Variants in C1QTNF6 observed in about 807,000 individuals in gnomAD.
The protein encoded by C1QTNF6 is C1q and TNF related 6, also known as complement C1q tumor necrosis factor-related protein 6.
C1QTNF6 carries 17 observed loss-of-function variants against 20.7 expected under a neutral mutation model. The observed-to-expected ratio is 0.82, with a 90% CI of 0.56 to 1.23. C1QTNF6 has a LOEUF of 1.23. Among genes scored for constraint, C1QTNF6 ranks in the 50% most tolerant of loss-of-function variants. The pLI, the probability that C1QTNF6 is intolerant of heterozygous loss-of-function variation, is 0.00. For missense variants in C1QTNF6, 329 were observed against 389.7 expected (o/e 0.84, Z 1.31); for synonymous variants, 130 against 156.3 (o/e 0.83, Z 1.25).
chr22:37,195,240 A>G (rs767093667), intron 2 of C1QTNF6: 1 of 152,182 alleles, frequency 6.6e-6, no homozygotes, highest in Non-Finnish European at 1.5e-5. Flanking sequence ...AAGGACTCCA[A>G]CCTTCTTCAT....
intron 2 of C1QTNF6, among the ~76,000 whole-genome samples, chr22:37,194,439 C>A (rs1222475183): frequency 6.6e-6 from 1 of 152,182 alleles, no homozygotes; most frequent in East Asian, 1.9e-4. Context: ...CCAGTTTGCA[C>A]CAAGAGAGGC....
At chr22:37,183,295 A>G (rs1923967577) in intron 2 of C1QTNF6, among the ~76,000 whole-genome samples, 1 of 152,174 alleles carries the variant, frequency 6.6e-6, no homozygotes, top group East Asian at 1.9e-4. Flanking sequence ...TCTGGTCTAT[A>G]TTTTAAAGAG....
In C1QTNF6 at chr22:37,188,128, C is replaced by G. The variant is rs374121913; in HGVS notation, c.51+35G>C. 1.9e-6 allele frequency: 3 copies of G among 1,589,956 alleles called. No individual in the cohort carries two copies. The South Asian group carries it at 3.4e-5, about 18-fold the overall frequency. ...GGAGAGGAATTCCAGGCTCTGACCC[C>G]AGCCCCCAAGCTTGAGGAGCCTCTG... is the stretch of plus-strand genomic sequence containing the variant. On this transcript the variant is annotated intron_variant, in intron 1 of 2. Coordinates refer to ENST00000337843, the MANE Select transcript of C1QTNF6 (RefSeq NM_031910.4).
At chr22:37,187,017 A>G (rs1435627538) in intron 1 of C1QTNF6, among the ~76,000 whole-genome samples, 1 of 152,090 alleles carries the variant, frequency 6.6e-6, no homozygotes, top group East Asian at 1.9e-4. Context: ...GGAGTTCGAG[A>G]CCAGTCTGGG....
Position 37,182,611 on chromosome 22 carries a change from C to A in C1QTNF6, c.414G>T (p.Pro138=), listed in dbSNP as rs746083093. ...AGAAGGCGAAGAAGCGCTTCTGGCA[C>A]GGGGCGCCGGGGCTGCCCATCTCCC... ...DKGEMGSPGA[P]CQKRFFAFSV... is the part of the protein sequence containing the mutation. Residue 138 remains proline (P), a synonymous_variant, in exon 3 of 3, where the codon CCG becomes CCT. Coordinates refer to ENST00000337843, the MANE Select transcript of C1QTNF6 (RefSeq NM_031910.4). 4 of 1,613,612 alleles carry A rather than the reference C, an allele frequency of 2.5e-6. No individual in the cohort carries two copies. Among genetic ancestry groups the A allele is most frequent in the Non-Finnish European group, 3.4e-6 (4 of 1,180,032 alleles).
chr22:37,186,374 C>G (rs1238505593), intron 1 of C1QTNF6, among the ~76,000 whole-genome samples: 1 of 152,206 alleles, frequency 6.6e-6, no homozygotes, highest in East Asian at 1.9e-4. Flanking sequence ...GCAACCCAAC[C>G]TTATCCAGAA....
intron 1 of C1QTNF6, chr22:37,195,983 C>T (rs1380425349): frequency 2.6e-5 from 4 of 152,100 alleles, no homozygotes; most frequent in African/African-American, 4.8e-5. Context: ...CCAGTCCTGC[C>T]GACTCCCATC....
At chr22:37,188,336 A>C, upstream of C1QTNF6, 1 of 795,032 alleles carries the variant, frequency 1.3e-6, no homozygotes, top group Non-Finnish European at 1.9e-6. Flanking sequence ...GGGCGGAGGG[A>C]GAGGGCAGAG....
chr22:37,186,824 A>AT (rs981730243), intron 1 of C1QTNF6, among the ~76,000 whole-genome samples: 49 of 152,078 alleles, frequency 3.2e-4, no homozygotes, highest in East Asian at 1.2e-3. Flanking sequence ...ATTCAAAAAT[A>AT]TTTTTTTTGT....
chr22:37,192,292 G>A (rs548308772), upstream of C1QTNF6, among the ~76,000 whole-genome samples: 36 of 152,204 alleles, frequency 2.4e-4, no homozygotes, highest in Non-Finnish European at 4.4e-4. Context: ...AACATATTAC[G>A]ATGTTAACTC....
chr22:37,198,225 C>G (rs1237081719), upstream of C1QTNF6: 1 of 152,564 alleles, frequency 6.6e-6, no homozygotes. Context: ...CCCCTGCCTC[C>G]AGAAGCTGGC....
upstream of C1QTNF6, among the ~76,000 whole-genome samples, chr22:37,192,446 C>G (rs539611984): frequency 1.4e-5 from 2 of 148,070 alleles, no homozygotes; most frequent in Non-Finnish European, 1.5e-5. Flanking sequence ...ATGGCTAACT[C>G]GACAAGTCCC....
At chr22:37,188,893 C>A (rs552710568), upstream of C1QTNF6, among the ~76,000 whole-genome samples, 4 of 152,220 alleles carry the variant, frequency 2.6e-5, no homozygotes, top group East Asian at 5.8e-4. Flanking sequence ...GGATCTTGCA[C>A]CAGAAAGAAT....
intron 1 of C1QTNF6, chr22:37,197,289 G>C (rs1925195157): frequency 6.6e-6 from 1 of 152,276 alleles, no homozygotes; most frequent in African/African-American, 2.4e-5. Context: ...CAGAGGGAGG[G>C]AGCCAAGGGG....
upstream of C1QTNF6, among the ~76,000 whole-genome samples, chr22:37,198,649 AGCCCCCGCGCCCGGGAACCCGGGAC>A (rs1281492625): frequency 3.3e-5 from 5 of 152,156 alleles, no homozygotes; most frequent in African/African-American, 1.2e-4. Flanking sequence ...TGCTGGGCAG[AGCCCCCGCGCCCGGGAACCCGGGAC>A]GCTCCCCGCT....
intron 2 of C1QTNF6, among the ~76,000 whole-genome samples, chr22:37,183,645 G>A (rs956747657): frequency 6.6e-6 from 1 of 152,252 alleles, no homozygotes; most frequent in African/African-American, 2.4e-5. Flanking sequence ...TTTCCACAGG[G>A]GGGGAAGGGG....
intron 2 of C1QTNF6, 72 bp downstream of exon 2, chr22:37,185,146 G>A: frequency 6.7e-7 from 1 of 1,488,174 alleles, no homozygotes; most frequent in Non-Finnish European, 8.9e-7. Flanking sequence ...TTTCCGCCCT[G>A]CCCTCTACTC....
At position 37,182,448 on chromosome 22, in the gene C1QTNF6, A is replaced by C. The variant is rs145370378; in HGVS notation, c.577T>G (p.Phe193Val). The stretch of plus-strand genomic sequence containing the variant: ...TTCCAGCTGTGCACATTGAGGCTGA[A>C]GAAGTAGATGCCACGCAGGGGAGCA... ...FAAPLRGIYFFSLNVHSWNYK... is the reference protein window; with the variant it reads ...FAAPLRGIYFVSLNVHSWNYK... The change falls in exon 3 of 3, where the codon TTC (phenylalanine) becomes GTC (valine). Residue 193 changes from phenylalanine to valine, a missense_variant. Transcript: ENST00000337843. 1.5e-4 allele frequency: 247 copies of C among 1,614,250 alleles called. No homozygotes were observed. Among genetic ancestry groups the C allele is most frequent in the Non-Finnish European group, 2.1e-4 (242 of 1,180,040 alleles).
chr22:37,188,936 A>T (rs143224314), upstream of C1QTNF6, among the ~76,000 whole-genome samples: 1 of 152,338 alleles, frequency 6.6e-6, no homozygotes, highest in Non-Finnish European at 1.5e-5. Flanking sequence ...AGTGAAAGCA[A>T]GTTTATTAGA....
Sources: allele counts gnomAD v4.1 joint callset (sites outside exome capture counted in the v4.1 genomes callset), GRCh38; gene constraint gnomAD v4.1.1; transcripts MANE v1.5; gene names NCBI Gene and HGNC (gene_info 2026-07-23, HGNC 2026-07-21).